LGSN: variants seen among roughly 807,000 people sequenced by gnomAD.
LGSN encodes the protein lengsin, lens protein with glutamine synthetase domain.
A neutral mutation model predicts 19.5 loss-of-function variants in LGSN; 21 were observed. That is an observed-to-expected ratio of 1.07 (90% CI 0.76 to 1.55). The LOEUF (loss-of-function observed/expected upper bound fraction) is 1.55, where lower values mean the gene tolerates loss of function less well. LGSN is among the 40% of genes most tolerant of loss of function. LGSN has a pLI of 0.00. For missense variants in LGSN, 673 were observed against 608.5 expected (o/e 1.11, Z -1.12); for synonymous variants, 257 against 215.6 (o/e 1.19, Z -1.68).
intron 1 of LGSN, among the ~76,000 whole-genome samples, chr6:63,306,850 C>T (rs1213250160): frequency 6.6e-6 from 1 of 152,192 alleles, no homozygotes; most frequent in Non-Finnish European, 1.5e-5. Context: ...ATTTTCAAAA[C>T]ATGCCAGAAA....
At chr6:63,440,383 C>T in the LGSN span, among the ~76,000 whole-genome samples, 1 of 152,202 alleles carries the variant, frequency 6.6e-6, no homozygotes, top group East Asian at 1.9e-4. Flanking sequence ...AGGAAACCTG[C>T]TATCAGGACT....
chr6:63,296,416 A>C (rs1240016962), intron 1 of LGSN, among the ~76,000 whole-genome samples: 1 of 151,660 alleles, frequency 6.6e-6, no homozygotes, highest in African/African-American at 2.4e-5. Context: ...CATGTTCACC[A>C]TGTCTAAAAT....
At chr6:63,294,359 A>G (rs1562010286) in intron 2 of LGSN, among the ~76,000 whole-genome samples, 2 of 151,914 alleles carry the variant, frequency 1.3e-5, no homozygotes, top group Non-Finnish European at 2.9e-5. Context: ...ATTAATTAAA[A>G]ATAAATAAAT....
At chr6:63,281,304 A>AATATATACATAT (rs1767305506) in intron 3 of LGSN, 84 bp from the exon 4 acceptor site, 1 of 135,468 alleles carries the variant, frequency 7.4e-6, no homozygotes, top group Admixed American at 8.7e-5. Context: ...TGCTAATGAA[A>AATATATACATAT]ATATATATAT....
intron 2 of LGSN, among the ~76,000 whole-genome samples, chr6:63,291,199 A>T (rs747002826): frequency 6.6e-6 from 1 of 152,312 alleles, no homozygotes; most frequent in East Asian, 1.9e-4. Context: ...GCCCTACAGC[A>T]GTGTTTAGGG....
chr6:63,414,220 C>T, the LGSN span, among the ~76,000 whole-genome samples: 1 of 151,950 alleles, frequency 6.6e-6, no homozygotes, highest in Non-Finnish European at 1.5e-5. Context: ...GGCACAGGGC[C>T]TGATGCACCT....
the LGSN span, among the ~76,000 whole-genome samples, chr6:63,397,763 C>T: frequency 3.3e-5 from 5 of 151,882 alleles, no homozygotes; most frequent in Admixed American, 2.6e-4. Context: ...ACTAAAAATG[C>T]AAAAATCAGC....
the LGSN span, among the ~76,000 whole-genome samples, chr6:63,358,108 G>C: frequency 6.6e-6 from 1 of 152,274 alleles, no homozygotes; most frequent in African/African-American, 2.4e-5. Flanking sequence ...CCCATTGCTT[G>C]TTTTTGTCAG....
the LGSN span, among the ~76,000 whole-genome samples, chr6:63,453,654 A>G: frequency 2.6e-5 from 4 of 151,722 alleles, no homozygotes; most frequent in Admixed American, 2.6e-4. Flanking sequence ...ATCTGTCATT[A>G]TAATTTTTTC....
the LGSN span, among the ~76,000 whole-genome samples, chr6:63,528,980 T>C: frequency 6.6e-6 from 1 of 150,570 alleles, no homozygotes; most frequent in Non-Finnish European, 1.5e-5. Flanking sequence ...TCCCAGCTAC[T>C]TGGGAGGCTG....
At chr6:63,380,069 C>T in the LGSN span, among the ~76,000 whole-genome samples, 2 of 152,122 alleles carry the variant, frequency 1.3e-5, no homozygotes, top group Non-Finnish European at 2.9e-5. Context: ...GAACTCCTGA[C>T]CTCAGGTGAT....
At chr6:63,528,257 A>C in the LGSN span, among the ~76,000 whole-genome samples, 1 of 150,330 alleles carries the variant, frequency 6.7e-6, no homozygotes, top group African/African-American at 2.5e-5. Context: ...GGTGTAGATG[A>C]CTTGAGCACA....
chr6:63,528,017 C>G, the LGSN span: 2 of 152,318 alleles, frequency 1.3e-5, no homozygotes, highest in African/African-American at 4.8e-5. Flanking sequence ...CTCTTGGAGG[C>G]TCTACATCTA....
the LGSN span, among the ~76,000 whole-genome samples, chr6:63,459,804 C>T: frequency 6.6e-6 from 1 of 152,242 alleles, no homozygotes; most frequent in Admixed American, 6.5e-5. Flanking sequence ...ATTCCAGCTA[C>T]TCAGGAGGCT....
the LGSN span, among the ~76,000 whole-genome samples, chr6:63,346,198 G>A: frequency 6.6e-6 from 1 of 151,724 alleles, no homozygotes; most frequent in African/African-American, 2.4e-5. Flanking sequence ...GGTGATAGGA[G>A]TGTCTCTTGT....
chr6:63,385,283 CT>C, the LGSN span, among the ~76,000 whole-genome samples: 13,226 of 152,166 alleles, frequency 0.087, 1,063 homozygotes, highest in African/African-American at 0.22. Context: ...CATCTGAGAA[CT>C]GGTTTCCATG....
chr6:63,434,604 CAAAAAAAAAAA>C, the LGSN span, among the ~76,000 whole-genome samples: 2 of 62,914 alleles, frequency 3.2e-5, no homozygotes, highest in Non-Finnish European at 7.3e-5. Context: ...ACTAAAAATT[CAAAAAAAAAAA>C]AAAAAAAAAG....
chr6:63,523,956 AAATATTAAAAAGGTAGAATTGTAT>A, the LGSN span, among the ~76,000 whole-genome samples: 1 of 152,180 alleles, frequency 6.6e-6, no homozygotes, highest in Admixed American at 6.6e-5. Flanking sequence ...GAAATAAATT[AAATATTAAAAAGGTAGAATTGTAT>A]CAATAGGCTT....
chr6:63,374,766 T>A, the LGSN span, among the ~76,000 whole-genome samples: 1 of 152,224 alleles, frequency 6.6e-6, no homozygotes, highest in South Asian at 2.1e-4. Context: ...GCTGCTTGCA[T>A]CCTTGGCATG....
Sources: allele counts gnomAD v4.1 joint callset (sites outside exome capture counted in the v4.1 genomes callset), GRCh38; gene constraint gnomAD v4.1.1; transcripts MANE v1.5; gene names NCBI Gene and HGNC (gene_info 2026-07-23, HGNC 2026-07-21).